KMO: variants seen among roughly 807,000 people sequenced by gnomAD.
The protein encoded by KMO is kynurenine 3-monooxygenase, also known as kynurenine 3-hydroxylase.
A neutral mutation model predicts 57.8 loss-of-function variants in KMO; 24 were observed. That is an observed-to-expected ratio of 0.42 (90% CI 0.30 to 0.58). KMO has a LOEUF of 0.58. Among genes scored for constraint, KMO ranks in the 20% least tolerant of loss-of-function variants. The pLI is 0.22. For synonymous variants in KMO, 210 were observed against 193.6 expected (o/e 1.08, Z -0.70); for missense variants, 483 against 588.2 (o/e 0.82, Z 1.85).
intron 1 of KMO, chr1:241,536,527 C>T (rs1660759924): frequency 2.0e-6 from 2 of 985,636 alleles, no homozygotes; most frequent in Non-Finnish European, 2.4e-6. Flanking sequence ...GCTAAAGCTA[C>T]TCAAGACACC....
rs1386730057 is a variant in KMO, at chr1:241,592,277, G to C, written c.*124G>C. The C allele has an allele frequency of 2.3e-5, 16 of 702,902 alleles. No individual in the cohort carries two copies. The highest frequency in any genetic ancestry group is 3.6e-5 in the Non-Finnish European group (15 of 417,054). The allele number at this position is 702,902 out of a possible 1,614,324, so 43.5% of individuals were successfully genotyped here. The stretch of plus-strand genomic sequence containing the variant: ...ATAGTGTTCTGCTTATAATTAAACT[G>C]AATGTAGAGTATCTCTGTATGTTAA... On this transcript the variant is annotated 3_prime_UTR_variant, in exon 15 of 15. Coordinates refer to ENST00000366559, the MANE Select transcript of KMO (RefSeq NM_003679.5).
intron 7 of KMO, among the ~76,000 whole-genome samples, chr1:241,563,041 A>G (rs1296344080): frequency 6.6e-6 from 1 of 152,236 alleles, no homozygotes. Flanking sequence ...TCTTGGGAGA[A>G]AAAAACAGGT....
intron 12 of KMO, 46 bp downstream of exon 12, chr1:241,588,876 A>G: frequency 1.5e-6 from 2 of 1,343,728 alleles, no homozygotes; most frequent in Non-Finnish European, 2.1e-6. Flanking sequence ...GTTCACTGAT[A>G]TTCTAACAAG....
chr1:241,559,100 CAA>C (rs370682833), intron 5 of KMO, among the ~76,000 whole-genome samples: 6 of 95,546 alleles, frequency 6.3e-5, no homozygotes, highest in Non-Finnish European at 4.4e-5. Context: ...AACTCTGTCT[CAA>C]AAAAAAAAAA....
chr1:241,568,529 T>G lies in KMO; in HGVS notation c.839T>G (p.Leu280Trp). ...EKLLVQDFFL[L>W]PAQPMISVKC... ...CTCCTAGTGCAAGATTTCTTCCTGT[T>G]GCCTGCCCAGCCCATGATATCTGTA... The change falls in exon 10 of 15, where the codon TTG becomes TGG. Residue 280 changes from leucine to tryptophan, a missense_variant. This residue lies in a region of KMO where 410 missense variants were observed against 492.3 expected (regional missense o/e 0.83). Transcript: ENST00000366559. The G allele has an allele frequency of 6.2e-7, 1 of 1,613,962 alleles. No individual in the cohort carries two copies. Among genetic ancestry groups the G allele is most frequent in the Middle Eastern group, 1.7e-4 (1 of 6,060 alleles).
chr1:241,532,638 A>AT (rs902748888), intron 1 of KMO, 140 bp downstream of exon 1: 6 of 595,266 alleles, frequency 1.0e-5, no homozygotes, highest in Non-Finnish European at 1.7e-5. Context: ...TATTTTGTTT[A>AT]TTTTTTTAAT....
chr1:241,570,188 C>G (rs1662223209), intron 10 of KMO, among the ~76,000 whole-genome samples: 2 of 151,968 alleles, frequency 1.3e-5, no homozygotes, highest in African/African-American at 4.8e-5. Context: ...TGTCTCTTCA[C>G]TTTGTTAATT....
chr1:241,568,070 A>G (rs1046462996), intron 9 of KMO, among the ~76,000 whole-genome samples: 3 of 152,180 alleles, frequency 2.0e-5, no homozygotes, highest in African/African-American at 7.2e-5. Context: ...TATTACTGTT[A>G]TCTATTTCCA....
chr1:241,537,796 A>G (rs1325895412), intron 1 of KMO, among the ~76,000 whole-genome samples: 1 of 152,108 alleles, frequency 6.6e-6, no homozygotes, highest in Non-Finnish European at 1.5e-5. Flanking sequence ...AGACTCATTC[A>G]CTATCACGAG....
chr1:241,585,849 C>T (rs1662957086), intron 10 of KMO, among the ~76,000 whole-genome samples: 1 of 151,298 alleles, frequency 6.6e-6, no homozygotes, highest in Non-Finnish European at 1.5e-5. Context: ...AAACAGGAAA[C>T]ATTGTTTTCA....
intron 7 of KMO, among the ~76,000 whole-genome samples, chr1:241,563,360 C>T (rs542897857): frequency 2.0e-5 from 3 of 152,302 alleles, no homozygotes; most frequent in East Asian, 3.9e-4. Flanking sequence ...ATAAAGCATA[C>T]ATTTTTAAGA....
intron 11 of KMO, among the ~76,000 whole-genome samples, chr1:241,588,398 T>C (rs1340784259): frequency 6.7e-6 from 1 of 149,816 alleles, no homozygotes; most frequent in Non-Finnish European, 1.5e-5. Context: ...GAGCCAGAGA[T>C]ATTTTGTTTC....
chr1:241,582,519 A>T (rs766209566), intron 10 of KMO, among the ~76,000 whole-genome samples: 1 of 151,656 alleles, frequency 6.6e-6, no homozygotes. Flanking sequence ...CAGCTCACTA[A>T]TTTTTTCTTC....
chr1:241,545,686 T>C (rs888969005), intron 1 of KMO, among the ~76,000 whole-genome samples: 2 of 152,122 alleles, frequency 1.3e-5, no homozygotes, highest in Non-Finnish European at 2.9e-5. Context: ...CTTGAACATA[T>C]GAAGTTGGAA....
At chr1:241,536,847 T>G (rs1214468503) in intron 1 of KMO, among the ~76,000 whole-genome samples, 1 of 152,120 alleles carries the variant, frequency 6.6e-6, no homozygotes, top group African/African-American at 2.4e-5. Flanking sequence ...GGAATTCAAG[T>G]CAAGTCAGTG....
At chr1:241,538,615 T>TGG (rs1188364935) in intron 1 of KMO, among the ~76,000 whole-genome samples, 4 of 152,200 alleles carry the variant, frequency 2.6e-5, no homozygotes, top group Non-Finnish European at 5.9e-5. Flanking sequence ...GGCCTCACCA[T>TGG]GTTAGACCTG....
intron 1 of KMO, among the ~76,000 whole-genome samples, chr1:241,541,812 G>A (rs1023589117): frequency 7.9e-5 from 12 of 152,102 alleles, no homozygotes; most frequent in African/African-American, 2.7e-4. Flanking sequence ...TATACCCAAA[G>A]ATCAAAATCT....
intron 9 of KMO, among the ~76,000 whole-genome samples, chr1:241,567,421 A>G (rs1020709744): frequency 2.0e-5 from 3 of 152,190 alleles, no homozygotes; most frequent in African/African-American, 7.2e-5. Flanking sequence ...CTTTTATAAA[A>G]GCACTAATCC....
rs146153794 is a variant in KMO at position 241,560,109 on chromosome 1, A to G, written c.362-556A>G. 3.9e-3 allele frequency among the ~76,000 whole-genome samples: 596 copies of G among 152,344 alleles called. 3 individuals carry two copies. Among genetic ancestry groups the G allele is most frequent in the African/African-American group, 0.013 (550 of 41,586 alleles). ...GTGCTAGCAGGCAAAACAGAAAATT[A>G]CGAAAATAATTTGTTTCAGTTTATT... On this transcript the variant is annotated intron_variant, in intron 5 of 14. Transcript: ENST00000366559.
Sources: allele counts gnomAD v4.1 joint callset (sites outside exome capture counted in the v4.1 genomes callset), GRCh38; gene constraint gnomAD v4.1.1; regional missense constraint gnomAD v4.1.1; transcripts MANE v1.5; gene names NCBI Gene and HGNC (gene_info 2026-07-23, HGNC 2026-07-21).